Variants in CDH4 observed in about 807,000 individuals in gnomAD.
CDH4 encodes cadherin-4.
A neutral mutation model predicts 86.0 loss-of-function variants in CDH4; 33 were observed. The ratio of observed to expected loss-of-function variants is 0.38; its 90% CI spans 0.29 to 0.51. CDH4 has a LOEUF of 0.51. CDH4 is among the 20% of genes least tolerant of loss of function. The probability of loss-of-function intolerance (pLI) is 0.86; values close to 1 mark genes in which losing one functional copy is unlikely to be tolerated. For synonymous variants in CDH4, 555 were observed against 549.4 expected, an observed-to-expected ratio of 1.01 and a Z score of -0.14; for missense variants, 1,114 against 1,307.4, an observed-to-expected ratio of 0.85 and a Z score of 2.28.
chr20:61,597,629 G>T (rs962680353), intron 2 of CDH4, among the ~76,000 whole-genome samples: 1 of 152,210 alleles, frequency 6.6e-6, no homozygotes, highest in East Asian at 1.9e-4. Flanking sequence ...AGAGGGAGGG[G>T]CAGAGAGGCA....
intron 2 of CDH4, among the ~76,000 whole-genome samples, chr20:61,568,804 T>G (rs2086320274): frequency 6.6e-6 from 1 of 152,212 alleles, no homozygotes; most frequent in Non-Finnish European, 1.5e-5. Context: ...CTGGGTCTCC[T>G]GGCAGCCATG....
chr20:61,554,069 A>G (rs2086155724), intron 2 of CDH4, among the ~76,000 whole-genome samples: 2 of 152,054 alleles, frequency 1.3e-5, no homozygotes, highest in Admixed American at 6.6e-5. Flanking sequence ...GTTCTCCCCC[A>G]CCCCATTGGC....
chr20:61,363,566 G>A (rs985466109), intron 2 of CDH4, among the ~76,000 whole-genome samples: 2 of 152,220 alleles, frequency 1.3e-5, no homozygotes, highest in African/African-American at 4.8e-5. Context: ...ATCTGGCCAA[G>A]TCAGGCTTCC....
At chr20:61,635,763 C>A (rs2086940178) in intron 2 of CDH4, among the ~76,000 whole-genome samples, 1 of 152,196 alleles carries the variant, frequency 6.6e-6, no homozygotes, top group African/African-American at 2.4e-5. Flanking sequence ...TCTGCCTGAG[C>A]GCTAGGGCTG....
chr20:61,505,981 C>T (rs1266541663), intron 2 of CDH4, among the ~76,000 whole-genome samples: 6 of 152,142 alleles, frequency 3.9e-5, no homozygotes, highest in Non-Finnish European at 8.8e-5. Flanking sequence ...GGTGATGGTA[C>T]GAAAACATGG....
At chr20:61,286,638 A>T (rs1217560846) in intron 2 of CDH4, among the ~76,000 whole-genome samples, 1 of 152,258 alleles carries the variant, frequency 6.6e-6, no homozygotes, top group Non-Finnish European at 1.5e-5. Flanking sequence ...AACATCCCTG[A>T]GTATTGCTCT....
At chr20:61,585,778 T>C (rs2086465432) in intron 2 of CDH4, among the ~76,000 whole-genome samples, 2 of 30,644 alleles carry the variant, frequency 6.5e-5, no homozygotes, top group East Asian at 2.4e-3. Context: ...ATGGTGATGG[T>C]GATTGTGATG....
intron 2 of CDH4, among the ~76,000 whole-genome samples, chr20:61,481,376 C>T (rs1019651508): frequency 4.6e-5 from 7 of 152,214 alleles, no homozygotes; most frequent in African/African-American, 1.7e-4. Context: ...CTGCACTTGT[C>T]TGAGAAAATA....
chr20:61,754,668 C>T lies in CDH4; in HGVS notation c.396+10879C>T, dbSNP rs141409197. Among the ~76,000 whole-genome samples the T allele has an allele frequency of 0.014, 2,156 of 148,828 alleles. 41 individuals are homozygous for T. Among genetic ancestry groups the T allele is most frequent in the Non-Finnish European group, 0.02 (1,361 of 67,032 alleles). Reference sequence around the variant, plus strand: ...CCACACACCACACGCACACACGCCCCGCACACACTATGCACACCACACACA... The same window carrying T: ...CCACACACCACACGCACACACGCCCTGCACACACTATGCACACCACACACA... On this transcript the variant is annotated intron_variant, in intron 3 of 15. Transcript: ENST00000614565. This position sits in a 1 kb window ranked among gnomAD's most constrained non-coding sequence, Gnocchi z 4.7.
intron 2 of CDH4, among the ~76,000 whole-genome samples, chr20:61,735,981 C>G (rs958201476): frequency 3.9e-5 from 6 of 152,176 alleles, no homozygotes; most frequent in Non-Finnish European, 5.9e-5. Flanking sequence ...GCTCTCTTAA[C>G]ATTGGGCCCT....
intron 2 of CDH4, among the ~76,000 whole-genome samples, chr20:61,299,523 G>A (rs2084375071): frequency 6.6e-6 from 1 of 152,226 alleles, no homozygotes; most frequent in African/African-American, 2.4e-5. Context: ...TGTTGACTTA[G>A]ATGTTTCTTG....
chr20:61,565,151 A>ATGGGGTGGTGTTGGTT, intron 2 of CDH4, among the ~76,000 whole-genome samples: 1 of 67,550 alleles, frequency 1.5e-5, no homozygotes, highest in South Asian at 6.0e-4. Flanking sequence ...TGGTGTTGGT[A>ATGGGGTGGTGTTGGTT]GTGGTCCTCT....
At chr20:61,412,635 A>T (rs1387331036) in intron 2 of CDH4, among the ~76,000 whole-genome samples, 1 of 152,190 alleles carries the variant, frequency 6.6e-6, no homozygotes. Flanking sequence ...CTGTGTGCTC[A>T]AGATGGGCCC....
rs528413191 is a variant in CDH4, at chr20:61,529,427, C to T, written c.170-214136C>T. 3.9e-5 allele frequency among the ~76,000 whole-genome samples: 6 copies of T among 152,322 alleles called. 1 individual carries two copies. In the South Asian group the frequency reaches 1.2e-3, roughly 32 times the overall value. On this transcript the variant is annotated intron_variant, in intron 2 of 15. Coordinates refer to ENST00000614565, the MANE Select transcript of CDH4 (RefSeq NM_001794.5). Reference sequence around the variant, plus strand: ...AAATCTGGACCAAAGATGAATTTCTCACTGGAGGCGCTTCACAAGTACTTT... The same window carrying T: ...AAATCTGGACCAAAGATGAATTTCTTACTGGAGGCGCTTCACAAGTACTTT...
At chr20:61,434,826 A>T (rs1461230088) in intron 2 of CDH4, 8 of 152,028 alleles carry the variant, frequency 5.3e-5, no homozygotes. Context: ...CCCCTGCACA[A>T]TGTCACCGTC....
chr20:61,265,911 C>A (rs1232008082), intron 2 of CDH4, among the ~76,000 whole-genome samples: 1 of 152,220 alleles, frequency 6.6e-6, no homozygotes, highest in Non-Finnish European at 1.5e-5. Flanking sequence ...CTCAGAGGGG[C>A]AGTGTCCCTT....
intron 2 of CDH4, among the ~76,000 whole-genome samples, chr20:61,603,582 C>T (rs147279856): frequency 1.5e-3 from 224 of 152,300 alleles, no homozygotes; most frequent in Non-Finnish European, 2.6e-3. Context: ...AAGGGCCCAT[C>T]CCGGGCCCTC....
intron 2 of CDH4, among the ~76,000 whole-genome samples, chr20:61,692,828 T>C (rs2087673914): frequency 6.9e-6 from 1 of 144,546 alleles, no homozygotes; most frequent in African/African-American, 2.8e-5. Flanking sequence ...AGCTTTTTTG[T>C]TTTTTGTTTT....
intron 2 of CDH4, among the ~76,000 whole-genome samples, chr20:61,666,507 A>G (rs1160985865): frequency 2.0e-5 from 3 of 152,206 alleles, no homozygotes; most frequent in East Asian, 1.9e-4. Flanking sequence ...CAGACTCCCT[A>G]CAGAGGGAGG....
Sources: gnomAD v4.1 joint callset for allele counts (sites outside exome capture counted in the v4.1 genomes callset) on GRCh38, gnomAD v4.1.1 for gene constraint, Gnocchi (gnomAD v3.1) non-coding constraint, MANE v1.5 for transcripts, NCBI Gene and HGNC (gene_info 2026-07-23, HGNC 2026-07-21) for gene names.